The following LDLRAD4 variants were observed in gnomAD, a reference collection of about 807,000 sequenced individuals.
LDLRAD4 encodes low-density lipoprotein receptor class A domain-containing protein 4.
A neutral mutation model predicts 17.0 loss-of-function variants in LDLRAD4; 5 were observed. That is an observed-to-expected ratio of 0.29 (90% CI 0.15 to 0.62). The LOEUF (loss-of-function observed/expected upper bound fraction) is 0.62. Ranked by LOEUF, LDLRAD4 falls within the 20% of genes least tolerant of loss-of-function variation. LDLRAD4 has a pLI of 0.84. For missense variants in LDLRAD4, 340 were observed against 424.7 expected (o/e 0.80, Z 1.75); for synonymous variants, 168 against 171.8 (o/e 0.98, Z 0.17).
intron 1 of LDLRAD4, among the ~76,000 whole-genome samples, chr18:13,347,210 T>C (rs1403052646): frequency 2.0e-5 from 3 of 152,242 alleles, no homozygotes; most frequent in South Asian, 2.1e-4. Flanking sequence ...TGGCTGGTAC[T>C]GGTTGTTCCT....
At chr18:13,449,474 A>G (rs1003560218) in intron 3 of LDLRAD4, among the ~76,000 whole-genome samples, 3 of 152,332 alleles carry the variant, frequency 2.0e-5, no homozygotes, top group East Asian at 1.9e-4. Context: ...GCATCTCCCC[A>G]TTTCAGAGAC....
At chr18:13,259,033 A>G (rs145182923) in intron 1 of LDLRAD4, among the ~76,000 whole-genome samples, 1 of 152,360 alleles carries the variant, frequency 6.6e-6, no homozygotes, top group African/African-American at 2.4e-5. Context: ...GTTGTGCTCC[A>G]TTCGGGATGA....
chr18:13,642,548 T>A (rs1294037640), intron 4 of LDLRAD4: 1 of 1,228,146 alleles, frequency 8.1e-7, no homozygotes, highest in Non-Finnish European at 1.0e-6. Context: ...ATAGGTGGAC[T>A]GGAGAAGACA....
intron 2 of LDLRAD4, among the ~76,000 whole-genome samples, chr18:13,411,423 A>G (rs1430014941): frequency 2.6e-5 from 4 of 152,222 alleles, no homozygotes; most frequent in African/African-American, 9.6e-5. Flanking sequence ...TTACTTGGAT[A>G]CTGATATGGT....
At chr18:13,292,117 C>G (rs985279669) in intron 1 of LDLRAD4, among the ~76,000 whole-genome samples, 19 of 152,160 alleles carry the variant, frequency 1.2e-4, no homozygotes, top group African/African-American at 4.6e-4. Flanking sequence ...TCCCTGGCCT[C>G]TAGGAGCTTG....
intron 1 of LDLRAD4, among the ~76,000 whole-genome samples, chr18:13,272,147 G>A (rs377254669): frequency 2.0e-5 from 3 of 152,170 alleles, no homozygotes; most frequent in East Asian, 3.9e-4. Context: ...ACCCGCCTCA[G>A]CCTCCCAAAG....
At chr18:13,560,187 C>T (rs796620547) in intron 3 of LDLRAD4, among the ~76,000 whole-genome samples, 15 of 152,294 alleles carry the variant, frequency 9.8e-5, no homozygotes, top group African/African-American at 3.6e-4. Context: ...GGAATTGAAG[C>T]CCTAGAGGGT....
At chr18:13,269,778 T>G (rs1410027812) in intron 1 of LDLRAD4, among the ~76,000 whole-genome samples, 1 of 152,210 alleles carries the variant, frequency 6.6e-6, no homozygotes, top group Non-Finnish European at 1.5e-5. Context: ...AGGCATGGTC[T>G]CATTCTCAAA....
chr18:13,393,213 T>C (rs2086409944), intron 2 of LDLRAD4, among the ~76,000 whole-genome samples: 1 of 152,172 alleles, frequency 6.6e-6, no homozygotes, highest in South Asian at 2.1e-4. Flanking sequence ...GAATGCTCGC[T>C]TTAGGAGATA....
intron 1 of LDLRAD4, among the ~76,000 whole-genome samples, chr18:13,302,748 A>G (rs982102101): frequency 9.2e-5 from 14 of 152,206 alleles, no homozygotes; most frequent in African/African-American, 3.4e-4. Flanking sequence ...TGGTACATGC[A>G]GTTGTTATGT....
At chr18:13,487,641 A>G (rs951092471) in intron 3 of LDLRAD4, 1 of 152,292 alleles carries the variant, frequency 6.6e-6, no homozygotes, top group African/African-American at 2.4e-5. Context: ...CTCCTGCAGT[A>G]TCTTCAGCAT....
chr18:13,329,991 T>G (rs1336981214), intron 1 of LDLRAD4, among the ~76,000 whole-genome samples: 1 of 151,732 alleles, frequency 6.6e-6, no homozygotes, highest in East Asian at 1.9e-4. Flanking sequence ...AGTCTCACTC[T>G]GTTGCCCAGG....
intron 3 of LDLRAD4, among the ~76,000 whole-genome samples, chr18:13,473,880 T>A (rs2092863639): frequency 6.6e-6 from 1 of 151,546 alleles, no homozygotes. Context: ...CTTGCTGATG[T>A]GGTTTGGCTC....
chr18:13,325,923 C>T (rs768368402), intron 1 of LDLRAD4, among the ~76,000 whole-genome samples: 19 of 152,030 alleles, frequency 1.2e-4, no homozygotes, highest in African/African-American at 1.7e-4. Context: ...TGCCACCACG[C>T]GGAGCTAATT....
chr18:13,609,224 G>T (rs1217148451), intron 3 of LDLRAD4, among the ~76,000 whole-genome samples: 1 of 152,232 alleles, frequency 6.6e-6, no homozygotes, highest in Non-Finnish European at 1.5e-5. Context: ...AGAAATATTG[G>T]CAGCTCTCAG....
intron 3 of LDLRAD4, among the ~76,000 whole-genome samples, chr18:13,608,245 G>A (rs2095243697): frequency 6.6e-6 from 1 of 152,048 alleles, no homozygotes; most frequent in Non-Finnish European, 1.5e-5. Flanking sequence ...CAGTTAGAAC[G>A]GCGATCACTA....
In LDLRAD4 at chr18:13,379,766, T is replaced by G. The variant is rs540385666; in HGVS notation, c.-382-7575T>G. On this transcript the variant is annotated intron_variant, in intron 1 of 5. Transcript: ENST00000359446. ...CTTGGCAAGGGAGATGAAAATTGTT[T>G]CGTACAAACAGCTTGTCGGTTCATA... Among the ~76,000 whole-genome samples, 340 of 152,312 alleles carry G rather than the reference T, an allele frequency of 2.2e-3. 1 individual carries two copies. Among genetic ancestry groups the G allele is most frequent in the Non-Finnish European group, 4.0e-3 (271 of 68,036 alleles).
Position 13,645,449 on chromosome 18 carries a change from G to A in LDLRAD4, c.713G>A (p.Ser238Asn), listed in dbSNP as rs777917220. The A allele has an allele frequency of 6.2e-7, 1 of 1,613,694 alleles. No homozygotes were observed. The highest frequency in any genetic ancestry group is 1.3e-5 in the African/African-American group (1 of 75,058). ...CCACCCAGCAGCAACTCGGGCATCAGTGCAAGCACCTGCAGCAGTAACGGG... is the reference window on the plus strand; with the variant it reads ...CCACCCAGCAGCAACTCGGGCATCAATGCAAGCACCTGCAGCAGTAACGGG... Residue 238 changes from serine to asparagine, a missense_variant, in exon 6 of 6, where the codon AGT (serine) becomes AAT (asparagine). Physicochemically the swap from Ser to Asn is conservative, Grantham distance 46 (BLOSUM62 1). Coordinates refer to ENST00000359446, the Ensembl canonical transcript of LDLRAD4. The surrounding 1 kb of genome is among the most constrained non-coding windows in gnomAD (Gnocchi z 5.7).
chr18:13,255,098 G>A (rs1439688649), intron 1 of LDLRAD4, among the ~76,000 whole-genome samples: 1 of 152,248 alleles, frequency 6.6e-6, no homozygotes, highest in African/African-American at 2.4e-5. Context: ...GAGGGCTCGA[G>A]ACTAAGGGGC....
Sources: allele counts gnomAD v4.1 joint callset (sites outside exome capture counted in the v4.1 genomes callset), GRCh38; gene constraint gnomAD v4.1.1; non-coding constraint Gnocchi (gnomAD v3.1); transcripts MANE v1.5; gene names NCBI Gene and HGNC (gene_info 2026-07-23, HGNC 2026-07-21).